Variants in TMEM74 observed in about 807,000 individuals in gnomAD.
TMEM74 encodes transmembrane protein 74.
In TMEM74, 13 loss-of-function variants were observed where a neutral mutation model predicts 18.1. That is an observed-to-expected ratio of 0.72 (90% CI 0.47 to 1.14). TMEM74 has a LOEUF of 1.14. Ranked by LOEUF, TMEM74 falls within the 50% of genes most tolerant of loss-of-function variation. TMEM74 has a pLI of 0.00. For synonymous variants in TMEM74, 159 were observed against 146.6 expected, an observed-to-expected ratio of 1.08 and a Z score of -0.61; for missense variants, 372 against 375.9, an observed-to-expected ratio of 0.99 and a Z score of 0.09.
At chr8:108,657,859 A>ATTAC (rs1449112150) in intron 1 of TMEM74, among the ~76,000 whole-genome samples, 1 of 49,876 alleles carries the variant, frequency 2.0e-5, no homozygotes, top group Non-Finnish European at 3.5e-5. Context: ...AAAAAAAAAA[A>ATTAC]ATATATATAT....
rs1814296788 is a variant in TMEM74, at chr8:108,780,831, T to G, written c.*3350A>C. On this transcript the variant is annotated 3_prime_UTR_variant, in exon 2 of 2. Transcript: ENST00000297459. The stretch of plus-strand genomic sequence containing the variant: ...CAGTGGGGAGCATGACGAAAAGCTG[T>G]TCTTTATATGAGGGGCCAGTACATC... Among the ~76,000 whole-genome samples, 1 of 152,188 alleles carries G rather than the reference T, an allele frequency of 6.6e-6. No homozygotes were observed. The highest frequency in any genetic ancestry group is 6.5e-5 in the Admixed American group (1 of 15,282).
chr8:108,776,278 A>T (rs1814232989), downstream of TMEM74, among the ~76,000 whole-genome samples: 1 of 152,250 alleles, frequency 6.6e-6, no homozygotes, highest in Non-Finnish European at 1.5e-5. Flanking sequence ...AGATCACTTG[A>T]GGTAAGGAGG....
intron 1 of TMEM74, among the ~76,000 whole-genome samples, chr8:108,773,473 A>T (rs544055648): frequency 1.3e-5 from 2 of 152,324 alleles, no homozygotes; most frequent in South Asian, 4.1e-4. Flanking sequence ...AGGTTTTAAA[A>T]TATGTACGCA....
At chr8:108,732,761 A>C (rs1328402679) in intron 1 of TMEM74, among the ~76,000 whole-genome samples, 2 of 135,552 alleles carry the variant, frequency 1.5e-5, no homozygotes, top group African/African-American at 3.1e-5. Context: ...AGCTACAATT[A>C]TACATAGACA....
chr8:108,689,564 C>T (rs1311857123), intron 1 of TMEM74, among the ~76,000 whole-genome samples: 1 of 152,110 alleles, frequency 6.6e-6, no homozygotes, highest in African/African-American at 2.4e-5. Flanking sequence ...TCTGCTTCAC[C>T]CATGTAATTC....
intron 1 of TMEM74, among the ~76,000 whole-genome samples, chr8:108,756,747 G>A (rs1813978772): frequency 2.2e-5 from 1 of 46,350 alleles, no homozygotes; most frequent in African/African-American, 9.4e-5. Flanking sequence ...AAAGAAAGAA[G>A]GGAGGGAGGG....
intron 1 of TMEM74, among the ~76,000 whole-genome samples, chr8:108,786,897 T>C (rs1207793097): frequency 3.3e-5 from 5 of 152,130 alleles, no homozygotes; most frequent in African/African-American, 1.2e-4. Flanking sequence ...CCTCTACCTC[T>C]CTTTAAAGAA....
At chr8:108,728,761 T>A (rs1237200667) in intron 1 of TMEM74, among the ~76,000 whole-genome samples, 2 of 152,212 alleles carry the variant, frequency 1.3e-5, no homozygotes, top group Non-Finnish European at 1.5e-5. Flanking sequence ...TAACCTATAT[T>A]GATGTTATAA....
At chr8:108,665,782 C>T (rs561869184) in intron 1 of TMEM74, among the ~76,000 whole-genome samples, 5 of 151,982 alleles carry the variant, frequency 3.3e-5, no homozygotes, top group Non-Finnish European at 5.9e-5. Context: ...TATTTTGGAG[C>T]GTCTGACTTA....
intron 1 of TMEM74, among the ~76,000 whole-genome samples, chr8:108,717,844 G>T (rs1176296579): frequency 1.3e-5 from 2 of 151,200 alleles, no homozygotes; most frequent in Admixed American, 1.3e-4. Context: ...TGGTGAACTG[G>T]TTGTATAAGA....
intron 1 of TMEM74, among the ~76,000 whole-genome samples, chr8:108,744,147 C>A (rs973065641): frequency 6.6e-6 from 1 of 152,124 alleles, no homozygotes; most frequent in African/African-American, 2.4e-5. Flanking sequence ...AAGAGCTTGC[C>A]GGGTGGCAAA....
At chr8:108,612,295 A>G (rs1812342012) in intron 2 of TMEM74, among the ~76,000 whole-genome samples, 2 of 152,200 alleles carry the variant, frequency 1.3e-5, no homozygotes, top group Non-Finnish European at 2.9e-5. Flanking sequence ...TAAAGATATT[A>G]AAACCTACTT....
chr8:108,759,302 G>A lies in TMEM74; in HGVS notation n.119+28174C>T, dbSNP rs568406317. 4.6e-5 allele frequency among the ~76,000 whole-genome samples: 7 copies of A among 152,154 alleles called. No homozygotes were observed. In the East Asian group the frequency reaches 1.4e-3, roughly 29 times the overall value. ...ACTGTTTCATCTGCTATTGGTGGAA[G>A]GGTAAATTCCAATGTCTTTGGAAGG... On this transcript the variant is annotated intron_variant and non_coding_transcript_variant, in intron 1 of 3. Coordinates refer to the TMEM74 transcript ENST00000518838.
chr8:108,660,241 T>C (rs1431415632), intron 1 of TMEM74, among the ~76,000 whole-genome samples: 3 of 152,126 alleles, frequency 2.0e-5, no homozygotes, highest in Non-Finnish European at 4.4e-5. Context: ...ATCTTACCAT[T>C]CTAGCTAGTT....
intron 2 of TMEM74, among the ~76,000 whole-genome samples, chr8:108,610,974 A>T (rs1456439619): frequency 1.3e-5 from 2 of 152,240 alleles, no homozygotes; most frequent in African/African-American, 4.8e-5. Flanking sequence ...ATTTTGGATG[A>T]ATGGTGCTCA....
intron 1 of TMEM74, among the ~76,000 whole-genome samples, chr8:108,752,588 T>C (rs1270274355): frequency 5.3e-5 from 8 of 152,142 alleles, no homozygotes; most frequent in South Asian, 2.1e-4. Flanking sequence ...ACTGTGTACC[T>C]GTAAACTAAC....
rs771498106 is a variant in TMEM74, at chr8:108,782,724, C to T, written c.*1457G>A. Reference sequence around the variant, plus strand: ...CTTCCTCATTCCTGCTGTCTCATACCAATTCCCAGCTCCTGTCCTCTTTTT... The same window carrying T: ...CTTCCTCATTCCTGCTGTCTCATACTAATTCCCAGCTCCTGTCCTCTTTTT... On this transcript the variant is annotated 3_prime_UTR_variant, in exon 2 of 2. Transcript: ENST00000297459. Among the ~76,000 whole-genome samples the T allele has an allele frequency of 7.9e-5, 12 of 152,160 alleles. No individual in the cohort carries two copies. Among genetic ancestry groups the T allele is most frequent in the Non-Finnish European group, 1.6e-4 (11 of 68,032 alleles).
At position 108,783,031 on chromosome 8, in the gene TMEM74, CTG is replaced by C. The variant is rs1396971260; in HGVS notation, c.*1148_*1149del. Among the ~76,000 whole-genome samples, 2 of 152,200 alleles carry C rather than the reference CTG, an allele frequency of 1.3e-5. No homozygotes were observed. The highest frequency in any genetic ancestry group is 1.3e-4 in the Admixed American group (2 of 15,276). ...CAGTTGCTGAATGACATCTAGACCA[CTG>C]TGAGTGGGAGGTGAGTTCTGACGAT... On this transcript the variant is annotated 3_prime_UTR_variant, in exon 2 of 2. Coordinates refer to ENST00000297459, the MANE Select transcript of TMEM74 (RefSeq NM_153015.3).
At chr8:108,763,925 A>G (rs1161752473) in intron 1 of TMEM74, among the ~76,000 whole-genome samples, 19 of 152,184 alleles carry the variant, frequency 1.2e-4, no homozygotes. Flanking sequence ...ACATAACAGT[A>G]TTTTGGAAAA....
Sources: gnomAD v4.1 joint callset for allele counts (sites outside exome capture counted in the v4.1 genomes callset) on GRCh38, gnomAD v4.1.1 for gene constraint, MANE v1.5 for transcripts, NCBI Gene and HGNC (gene_info 2026-07-23, HGNC 2026-07-21) for gene names.